NRG4: variants seen among roughly 807,000 people sequenced by gnomAD.
NRG4 encodes the protein pro-neuregulin-4, membrane-bound isoform.
NRG4 carries 10 observed loss-of-function variants against 15.0 expected under a neutral mutation model. That is an observed-to-expected ratio of 0.67 (90% CI 0.41 to 1.13). The LOEUF (loss-of-function observed/expected upper bound fraction) is 1.13. Ranked by LOEUF, NRG4 falls within the 50% of genes most tolerant of loss-of-function variation. The probability of loss-of-function intolerance (pLI) is 0.00; values close to 1 mark genes in which losing one functional copy is unlikely to be tolerated. For missense variants in NRG4, 139 were observed against 140.2 expected (o/e 0.99, Z 0.04); for synonymous variants, 41 against 50.1 (o/e 0.82, Z 0.77).
At chr15:75,958,820 C>T (rs1238437740) in intron 4 of NRG4, among the ~76,000 whole-genome samples, 2 of 152,140 alleles carry the variant, frequency 1.3e-5, no homozygotes, top group Non-Finnish European at 2.9e-5. Flanking sequence ...GTCTGCAGAA[C>T]AGCTATAGCT....
At chr15:75,955,439 T>C (rs1040546149) in intron 5 of NRG4, among the ~76,000 whole-genome samples, 3 of 152,222 alleles carry the variant, frequency 2.0e-5, no homozygotes, top group Non-Finnish European at 1.5e-5. Flanking sequence ...TTTGTCTTCA[T>C]AAATTTTAAT....
chr15:75,984,598 G>A (rs2033725012), intron 3 of NRG4, among the ~76,000 whole-genome samples: 2 of 151,912 alleles, frequency 1.3e-5, no homozygotes, highest in South Asian at 2.1e-4. Flanking sequence ...AAGAACACAC[G>A]GACACAGGCA....
chr15:76,025,653 A>T (rs9806296), intron 5 of NRG4, among the ~76,000 whole-genome samples: 1,826 of 152,216 alleles, frequency 0.012, 31 homozygotes, highest in African/African-American at 0.042. Context: ...AGACTGGTAG[A>T]TCACTTGAGG....
chr15:75,989,681 C>G (rs2033934324), intron 3 of NRG4, among the ~76,000 whole-genome samples: 1 of 152,118 alleles, frequency 6.6e-6, no homozygotes, highest in Non-Finnish European at 1.5e-5. Flanking sequence ...CTTTTAAATT[C>G]TTTACATATT....
chr15:76,016,806 T>G (rs2034992915), upstream of NRG4, among the ~76,000 whole-genome samples: 1 of 152,190 alleles, frequency 6.6e-6, no homozygotes, highest in Non-Finnish European at 1.5e-5. Flanking sequence ...GAATATATAT[T>G]CTGTTGATTT....
upstream of NRG4, chr15:76,060,062 A>G (rs2036262858): frequency 7.4e-6 from 1 of 135,864 alleles, no homozygotes; most frequent in Non-Finnish European, 1.6e-5. Flanking sequence ...CCCCTGCCTC[A>G]CTGCCCGAGT....
intron 4 of NRG4, among the ~76,000 whole-genome samples, chr15:76,040,056 A>AAGAG (rs113613101): frequency 6.6e-6 from 1 of 151,726 alleles, no homozygotes; most frequent in East Asian, 1.9e-4. Context: ...AATAAAAAAA[A>AAGAG]AGAGAGAGAG....
chr15:75,973,159 T>A (rs1436070088), intron 3 of NRG4, among the ~76,000 whole-genome samples: 1 of 152,158 alleles, frequency 6.6e-6, no homozygotes, highest in East Asian at 1.9e-4. Context: ...CACTCATGAT[T>A]TGGCTCTCTG....
At chr15:76,004,916 AC>A (rs1314017803) in intron 3 of NRG4, among the ~76,000 whole-genome samples, 1 of 152,198 alleles carries the variant, frequency 6.6e-6, no homozygotes, top group East Asian at 1.9e-4. Context: ...TCAAAAATCC[AC>A]ATATAACTTT....
chr15:75,985,694 G>C (rs1171605554), intron 3 of NRG4, among the ~76,000 whole-genome samples: 3 of 152,084 alleles, frequency 2.0e-5, no homozygotes, highest in Non-Finnish European at 4.4e-5. Context: ...AAGGATAGCA[G>C]TCTAAGACCT....
upstream of NRG4, chr15:76,059,933 G>C (rs1366043857): frequency 1.4e-5 from 2 of 147,864 alleles, no homozygotes; most frequent in South Asian, 4.2e-4. Flanking sequence ...CGAGGGGGCG[G>C]GGGGGCGGAG....
At chr15:75,967,259 T>A (rs1244204749) in intron 3 of NRG4, among the ~76,000 whole-genome samples, 2 of 152,068 alleles carry the variant, frequency 1.3e-5, no homozygotes, top group South Asian at 2.1e-4. Context: ...TATTAGCTAG[T>A]GCTATAAATG....
intron 5 of NRG4, among the ~76,000 whole-genome samples, chr15:75,947,239 G>A (rs543744390): frequency 4.9e-4 from 74 of 152,284 alleles, no homozygotes; most frequent in Admixed American, 1.4e-3. Context: ...GATTTCAGAT[G>A]CTAATGAGAT....
intron 5 of NRG4, among the ~76,000 whole-genome samples, chr15:75,945,501 T>G (rs1167725685): frequency 6.6e-6 from 1 of 152,172 alleles, no homozygotes; most frequent in African/African-American, 2.4e-5. Context: ...AATTTCTTCA[T>G]GGTTATTTAA....
rs550540719 is a variant in NRG4, at chr15:75,977,282, C to T, written c.105-15308G>A. ...CTCCATGGGGGTGGGATCCACTGAG[C>T]TAGACCACTTGGCTCCCTGGCTTCA... On this transcript the variant is annotated intron_variant, in intron 3 of 5. Transcript: ENST00000394907. This position sits in a 1 kb window ranked among gnomAD's most constrained non-coding sequence, Gnocchi z 4.9. 6.6e-6 allele frequency among the ~76,000 whole-genome samples: 1 copy of T among 152,290 alleles called. No individual in the cohort carries two copies. The highest frequency in any genetic ancestry group is 2.1e-4 in the South Asian group (1 of 4,820).
At chr15:75,982,505 GACC>G (rs959110027) in intron 3 of NRG4, among the ~76,000 whole-genome samples, 3 of 152,296 alleles carry the variant, frequency 2.0e-5, no homozygotes, top group Middle Eastern at 6.8e-3. Flanking sequence ...GCTATAGAAT[GACC>G]ACCACTTCTA....
chr15:75,944,652 G>A (rs184036935), intron 5 of NRG4, among the ~76,000 whole-genome samples: 29 of 152,266 alleles, frequency 1.9e-4, no homozygotes, highest in Middle Eastern at 3.4e-3. Flanking sequence ...CATAATATGA[G>A]CTAACATTAT....
chr15:76,035,336 A>C (rs1244181055), intron 5 of NRG4, among the ~76,000 whole-genome samples: 2 of 152,192 alleles, frequency 1.3e-5, no homozygotes, highest in African/African-American at 2.4e-5. Context: ...GCCCTCCCTG[A>C]ACTCAGCAGA....
intron 5 of NRG4, among the ~76,000 whole-genome samples, chr15:76,035,466 G>T (rs989691925): frequency 3.9e-5 from 6 of 152,092 alleles, no homozygotes; most frequent in African/African-American, 1.2e-4. Context: ...GAGCAATAGG[G>T]AATGGGTATT....
Sources: allele counts gnomAD v4.1 joint callset (sites outside exome capture counted in the v4.1 genomes callset), GRCh38; gene constraint gnomAD v4.1.1; non-coding constraint Gnocchi (gnomAD v3.1); transcripts MANE v1.5; gene names NCBI Gene and HGNC (gene_info 2026-07-23, HGNC 2026-07-21).